Variants in SGCD observed in about 807,000 individuals in gnomAD.
The protein encoded by SGCD is sarcoglycan delta.
Under a neutral mutation model 36.6 loss-of-function variants are expected in SGCD, and 18 were observed. The ratio of observed to expected loss-of-function variants is 0.49; its 90% CI spans 0.34 to 0.73. The LOEUF is 0.73. SGCD is among the 30% of genes least tolerant of loss of function. SGCD has a pLI of 0.01. For synonymous variants in SGCD, 133 were observed against 130.6 expected, an observed-to-expected ratio of 1.02 and a Z score of -0.12; for missense variants, 387 against 346.7, an observed-to-expected ratio of 1.12 and a Z score of -0.92.
At chr5:156,698,924 T>C (rs764831698) in intron 7 of SGCD, among the ~76,000 whole-genome samples, 1 of 148,524 alleles carries the variant, frequency 6.7e-6, no homozygotes, top group Non-Finnish European at 1.5e-5. Flanking sequence ...ATCCAAAAAG[T>C]AGTAGCTTAA....
chr5:156,094,430 T>C (rs1358295894), intron 1 of SGCD, among the ~76,000 whole-genome samples: 1 of 152,158 alleles, frequency 6.6e-6, no homozygotes, highest in Non-Finnish European at 1.5e-5. Flanking sequence ...TATCCTCCCA[T>C]CCCAACTGGG....
At chr5:156,753,023 C>T (rs987430004) in intron 7 of SGCD, among the ~76,000 whole-genome samples, 4 of 152,094 alleles carry the variant, frequency 2.6e-5, no homozygotes, top group African/African-American at 7.2e-5. Context: ...GGACTAGAGC[C>T]GTGCTTCTCA....
the SGCD span, among the ~76,000 whole-genome samples, chr5:155,788,843 G>A: frequency 2.0e-5 from 3 of 152,210 alleles, no homozygotes; most frequent in South Asian, 6.2e-4. Context: ...AGATTTCACA[G>A]CCTGAAGATC....
At chr5:156,525,682 A>G (rs1029588603) in intron 4 of SGCD, among the ~76,000 whole-genome samples, 4 of 152,032 alleles carry the variant, frequency 2.6e-5, no homozygotes, top group East Asian at 1.9e-4. Flanking sequence ...CTTTGCCCCT[A>G]TGTTTTCCTC....
chr5:156,083,755 G>C (rs1390808070), intron 1 of SGCD, among the ~76,000 whole-genome samples: 7 of 151,878 alleles, frequency 4.6e-5, no homozygotes, highest in Admixed American at 2.6e-4. Context: ...TTTGTGTAAA[G>C]TGTGAGCTTT....
At position 156,301,594 on chromosome 5, in the gene SGCD, A is replaced by C. The variant is rs545675493; in HGVS notation, c.-43-27940A>C. Among the ~76,000 whole-genome samples, 6 of 152,148 alleles carry C rather than the reference A, an allele frequency of 3.9e-5. No individual in the cohort carries two copies. In the South Asian group the frequency reaches 1.2e-3, roughly 32 times the overall value. On this transcript the variant is annotated intron_variant, in intron 3 of 9. Transcript: ENST00000517913. ...TGTATTTGTCTGTGTGCTTACAGTT[A>C]CCAGTGAGTTTTGTACTGTCACATG...
intron 1 of SGCD, among the ~76,000 whole-genome samples, chr5:156,092,729 C>T (rs1052725075): frequency 6.6e-6 from 1 of 152,192 alleles, no homozygotes; most frequent in African/African-American, 2.4e-5. Context: ...TGCTGCTTCT[C>T]AGGCAGAAAG....
rs376204418 is a variant in SGCD, at chr5:155,920,148, A to G, written c.-282+49724A>G. Among the ~76,000 whole-genome samples, 66 of 152,308 alleles carry G rather than the reference A, an allele frequency of 4.3e-4. 2 individuals carry two copies. In the South Asian group the frequency reaches 0.014, roughly 32 times the overall value. Reference sequence around the variant, plus strand: ...TCAGCAATGAAATGATCAACATCTAACCCTGGCTTCCTGGTTGGGACACAC... The same window carrying G: ...TCAGCAATGAAATGATCAACATCTAGCCCTGGCTTCCTGGTTGGGACACAC... On this transcript the variant is annotated intron_variant, in intron 1 of 9. Transcript: ENST00000517913.
At chr5:156,590,692 C>G (rs1243830192) in intron 5 of SGCD, among the ~76,000 whole-genome samples, 1 of 152,076 alleles carries the variant, frequency 6.6e-6, no homozygotes, top group East Asian at 1.9e-4. Context: ...TTTGATAAAT[C>G]TGGAACTGCC....
intron 3 of SGCD, among the ~76,000 whole-genome samples, chr5:156,159,544 AT>A (rs1425724575): frequency 6.6e-6 from 1 of 151,550 alleles, no homozygotes; most frequent in African/African-American, 2.4e-5. Flanking sequence ...AAGAGGCTGT[AT>A]TTTTTTCAGA....
chr5:156,765,545 A>T lies in SGCD; in HGVS notation c.*6155A>T, dbSNP rs1258541709. On this transcript the variant is annotated 3_prime_UTR_variant, in exon 9 of 9. Transcript: ENST00000337851. ...GACATGGGAAGAGTTGTATTCTATT[A>T]TTCAATTTTAAGAATATTTATTAAT... The T allele has an allele frequency of 6.6e-6, 1 of 152,170 alleles. No individual in the cohort carries two copies. Among genetic ancestry groups the T allele is most frequent in the African/African-American group, 2.4e-5 (1 of 41,448 alleles). 9.4% of individuals were successfully genotyped at this position (152,170 alleles called of 1,614,324 possible).
chr5:155,794,434 A>G, the SGCD span, among the ~76,000 whole-genome samples: 1 of 152,188 alleles, frequency 6.6e-6, no homozygotes, highest in African/African-American at 2.4e-5. Context: ...ATTCAAGAAA[A>G]TGGAACTGTG....
At chr5:156,637,826 T>C (rs1268069817) in intron 6 of SGCD, among the ~76,000 whole-genome samples, 2 of 152,176 alleles carry the variant, frequency 1.3e-5, no homozygotes, top group Non-Finnish European at 2.9e-5. Flanking sequence ...ATTTTAAAGC[T>C]TTCGTAACAG....
At chr5:155,929,579 C>G (rs865874981) in intron 1 of SGCD, among the ~76,000 whole-genome samples, 2 of 152,114 alleles carry the variant, frequency 1.3e-5, no homozygotes, top group African/African-American at 2.4e-5. Flanking sequence ...TTCCATCTCT[C>G]CCCACATTTT....
intron 3 of SGCD, among the ~76,000 whole-genome samples, chr5:156,237,749 A>G (rs1418462554): frequency 2.0e-5 from 3 of 152,222 alleles, no homozygotes; most frequent in East Asian, 1.9e-4. Context: ...TGTTCACCCT[A>G]ACTATAAGAC....
intron 3 of SGCD, among the ~76,000 whole-genome samples, chr5:156,386,252 G>A (rs1464226757): frequency 6.6e-6 from 1 of 152,182 alleles, no homozygotes; most frequent in Non-Finnish European, 1.5e-5. Context: ...GGTAAAGAGG[G>A]TGGACTCTGT....
At chr5:155,887,654 G>A (rs144627956) in intron 1 of SGCD, among the ~76,000 whole-genome samples, 47 of 152,260 alleles carry the variant, frequency 3.1e-4, no homozygotes, top group Non-Finnish European at 4.9e-4. Flanking sequence ...CATTTTGTAC[G>A]TGAACCTCTT....
At chr5:155,763,593 A>G in the SGCD span, among the ~76,000 whole-genome samples, 1,517 of 152,264 alleles carry the variant, frequency 1.0e-2, 24 homozygotes, top group African/African-American at 0.035. Flanking sequence ...CATTTGTAAT[A>G]GACAATAGAA....
intron 3 of SGCD, among the ~76,000 whole-genome samples, chr5:156,412,526 G>A (rs1772817253): frequency 1.3e-5 from 2 of 152,146 alleles, no homozygotes; most frequent in South Asian, 2.1e-4. Context: ...TTTTGGGTTT[G>A]TTTTGCCTTT....
Sources: allele counts gnomAD v4.1 joint callset (sites outside exome capture counted in the v4.1 genomes callset), GRCh38; gene constraint gnomAD v4.1.1; transcripts MANE v1.5; gene names NCBI Gene and HGNC (gene_info 2026-07-23, HGNC 2026-07-21).